Variants in ST8SIA5 observed in about 807,000 individuals in gnomAD.
ST8SIA5 encodes the protein alpha-2,8-sialyltransferase 8E.
Under a neutral mutation model 40.2 loss-of-function variants are expected in ST8SIA5, and 24 were observed. The ratio of observed to expected loss-of-function variants is 0.60; its 90% CI spans 0.43 to 0.84. The LOEUF (loss-of-function observed/expected upper bound fraction) is 0.84. Ranked by LOEUF, ST8SIA5 falls within the 40% of genes least tolerant of loss-of-function variation. The probability of loss-of-function intolerance (pLI) is 0.00; values close to 1 mark genes in which losing one functional copy is unlikely to be tolerated. For missense variants in ST8SIA5, 465 were observed against 498.5 expected (o/e 0.93, Z 0.64); for synonymous variants, 198 against 201.8 (o/e 0.98, Z 0.16).
At chr18:46,685,200 G>A (rs2039434080) in intron 5 of ST8SIA5, among the ~76,000 whole-genome samples, 1 of 152,218 alleles carries the variant, frequency 6.6e-6, no homozygotes. Context: ...CTGGATCAAA[G>A]TTCAGGGAGA....
At position 46,678,068 on chromosome 18, in the gene ST8SIA5, T is replaced by C. The variant is rs902196676; in HGVS notation, c.*1974A>G. On this transcript the variant is annotated 3_prime_UTR_variant, in exon 7 of 7. Transcript: ENST00000315087. ...GAATCTTTCCCAGAAATTCCCTCCCTGGGAGAAATAGGCAGAGCTCAAGCA... is the reference window on the plus strand; with the variant it reads ...GAATCTTTCCCAGAAATTCCCTCCCCGGGAGAAATAGGCAGAGCTCAAGCA... 7 of 152,244 alleles carry C rather than the reference T, an allele frequency of 4.6e-5. No homozygotes were observed. Among genetic ancestry groups the C allele is most frequent in the Admixed American group, 3.9e-4 (6 of 15,280 alleles). The allele number at this position is 152,244 out of a possible 1,614,324, so 9.4% of individuals were successfully genotyped here.
rs1318231643 is a variant in ST8SIA5, at chr18:46,669,152, G to C, written c.*10890C>G. 1 of 152,692 alleles carries C rather than the reference G, an allele frequency of 6.5e-6. No individual in the cohort carries two copies. The highest frequency in any genetic ancestry group is 2.4e-5 in the African/African-American group (1 of 41,482). 9.5% of individuals were successfully genotyped at this position (152,692 alleles called of 1,614,324 possible). On this transcript the variant is annotated 3_prime_UTR_variant, in exon 7 of 7. Transcript: ENST00000315087. ...GAACAGGTCCCTCCACACAGGTGCT[G>C]GGCAGGGCATGAGGCCAGGGTGAAG... is the stretch of plus-strand genomic sequence containing the variant.
chr18:46,700,103 G>A (rs2039596710), intron 2 of ST8SIA5, among the ~76,000 whole-genome samples: 1 of 152,218 alleles, frequency 6.6e-6, no homozygotes, highest in Non-Finnish European at 1.5e-5. Flanking sequence ...TAGATGACAG[G>A]TGTAAATAAT....
At chr18:46,689,038 C>G in intron 3 of ST8SIA5, 119 bp from the exon 4 acceptor site, 2 of 1,269,128 alleles carry the variant, frequency 1.6e-6, no homozygotes, top group Non-Finnish European at 2.1e-6. Flanking sequence ...TCACCTATCC[C>G]ACGCTTGCCC....
chr18:46,725,783 A>G (rs1599136726), intron 1 of ST8SIA5, among the ~76,000 whole-genome samples: 1 of 151,214 alleles, frequency 6.6e-6, no homozygotes, highest in Non-Finnish European at 1.5e-5. Flanking sequence ...AAGAAACCCA[A>G]TGAGGAAGGC....
chr18:46,744,282 G>C (rs1051129880), intron 1 of ST8SIA5, among the ~76,000 whole-genome samples: 4 of 152,142 alleles, frequency 2.6e-5, no homozygotes, highest in Non-Finnish European at 5.9e-5. Context: ...TTTGGATAAA[G>C]AGTCAAGACC....
At chr18:46,726,887 A>G (rs9949555) in intron 1 of ST8SIA5, among the ~76,000 whole-genome samples, 114,673 of 151,750 alleles carry the variant, frequency 0.76, 43,496 homozygotes, top group East Asian at 1. Flanking sequence ...CACTGCACTG[A>G]GCAAACAGAG....
rs1313322215 is a variant in ST8SIA5 at position 46,674,562 on chromosome 18, A to G, written c.*5480T>C. On this transcript the variant is annotated 3_prime_UTR_variant, in exon 7 of 7. Coordinates refer to ENST00000315087, the MANE Select transcript of ST8SIA5 (RefSeq NM_013305.6). ...CAGAGACCTCATTACTGTAGTAAACATGTGTTGAGTGGCCATGGCATGTGC... is the reference window on the plus strand; with the variant it reads ...CAGAGACCTCATTACTGTAGTAAACGTGTGTTGAGTGGCCATGGCATGTGC... 6.6e-6 allele frequency: 1 copy of G among 152,256 alleles called. No individual in the cohort carries two copies. The highest frequency in any genetic ancestry group is 2.4e-5 in the African/African-American group (1 of 41,466). 9.4% of individuals were successfully genotyped at this position (152,256 alleles called of 1,614,324 possible). A position where few individuals can be genotyped will look rare whatever the true frequency, so the allele number is the denominator to read the frequency against.
intron 2 of ST8SIA5, among the ~76,000 whole-genome samples, chr18:46,699,273 CA>C (rs2039586933): frequency 1.3e-5 from 2 of 152,134 alleles, no homozygotes; most frequent in Admixed American, 1.3e-4. Flanking sequence ...AATCTATAGA[CA>C]GACTAAAAAT....
chr18:46,738,745 G>T (rs1171786132), intron 1 of ST8SIA5, among the ~76,000 whole-genome samples: 1 of 152,160 alleles, frequency 6.6e-6, no homozygotes, highest in Admixed American at 6.5e-5. Context: ...GGCTGTGCCT[G>T]TTTCTCGGGG....
At chr18:46,741,646 A>G (rs1456019666) in intron 1 of ST8SIA5, among the ~76,000 whole-genome samples, 4 of 152,226 alleles carry the variant, frequency 2.6e-5, no homozygotes, top group Admixed American at 2.6e-4. Flanking sequence ...ACAAAATCTC[A>G]CATCATATAA....
chr18:46,750,775 T>TA (rs1273433591), intron 1 of ST8SIA5, among the ~76,000 whole-genome samples: 3 of 152,130 alleles, frequency 2.0e-5, no homozygotes, highest in Non-Finnish European at 4.4e-5. Flanking sequence ...CGACCCCTTA[T>TA]AGGTGCAGAC....
intron 5 of ST8SIA5, among the ~76,000 whole-genome samples, chr18:46,684,872 G>C (rs1006985534): frequency 3.3e-5 from 5 of 152,110 alleles, no homozygotes; most frequent in African/African-American, 1.2e-4. Flanking sequence ...GGTGCAAGTG[G>C]GTTTAGCCAG....
intron 1 of ST8SIA5, among the ~76,000 whole-genome samples, chr18:46,751,732 G>C (rs1367387960): frequency 6.6e-6 from 1 of 152,136 alleles, no homozygotes; most frequent in Non-Finnish European, 1.5e-5. Context: ...GAAAACATTA[G>C]AGTACATTTC....
chr18:46,726,780 G>A (rs2039935482), intron 1 of ST8SIA5, among the ~76,000 whole-genome samples: 1 of 152,132 alleles, frequency 6.6e-6, no homozygotes, highest in South Asian at 2.1e-4. Context: ...TTAGCCCAGT[G>A]TGGTGGCGCA....
chr18:46,685,331 A>G (rs2039435405), intron 5 of ST8SIA5, among the ~76,000 whole-genome samples: 1 of 152,160 alleles, frequency 6.6e-6, no homozygotes, highest in Non-Finnish European at 1.5e-5. Flanking sequence ...GTGTTGGAGG[A>G]AGCTTAACCT....
In ST8SIA5 at chr18:46,670,033, C is replaced by G. The variant is rs915007267; in HGVS notation, c.*10009G>C. 2 of 151,490 alleles carry G rather than the reference C, an allele frequency of 1.3e-5. No homozygotes were observed. Among genetic ancestry groups the G allele is most frequent in the Non-Finnish European group, 2.9e-5 (2 of 68,002 alleles). The allele number at this position is 151,490 out of a possible 1,614,324, so 9.4% of individuals were successfully genotyped here. On this transcript the variant is annotated 3_prime_UTR_variant, in exon 7 of 7. Transcript: ENST00000315087. The stretch of plus-strand genomic sequence containing the variant: ...GCCGTGAGCCGAGATCATGCCACTG[C>G]ACTCCAGCCTGGGTGACAGAGTGAG...
intron 1 of ST8SIA5, among the ~76,000 whole-genome samples, chr18:46,725,166 G>T (rs1312948053): frequency 6.6e-6 from 1 of 152,148 alleles, no homozygotes; most frequent in Non-Finnish European, 1.5e-5. Flanking sequence ...GCTAAGCTAA[G>T]ATTTAAACCG....
chr18:46,726,902 A>T (rs534605132), intron 1 of ST8SIA5, among the ~76,000 whole-genome samples: 52 of 152,156 alleles, frequency 3.4e-4, no homozygotes, highest in Admixed American at 1.4e-3. Context: ...ACAGAGCGAG[A>T]CTCCATCTCA....
Sources: allele counts gnomAD v4.1 joint callset (sites outside exome capture counted in the v4.1 genomes callset), GRCh38; gene constraint gnomAD v4.1.1; transcripts MANE v1.5; gene names NCBI Gene and HGNC (gene_info 2026-07-23, HGNC 2026-07-21).